LHX4: variants seen among roughly 807,000 people sequenced by gnomAD.
The protein encoded by LHX4 is LIM homeobox 4, also known as LIM/homeobox protein Lhx4.
Under a neutral mutation model 39.2 loss-of-function variants are expected in LHX4, and 16 were observed. That is an observed-to-expected ratio of 0.41 (90% confidence interval 0.28 to 0.62). The LOEUF is 0.62. Among genes scored for constraint, LHX4 ranks in the 20% least tolerant of loss-of-function variants. The pLI is 0.33. For missense variants in LHX4, 439 were observed against 511.9 expected (o/e 0.86, Z 1.37); for synonymous variants, 206 against 198.1 (o/e 1.04, Z -0.33).
upstream of LHX4, among the ~76,000 whole-genome samples, chr1:180,229,423 C>A (rs1350256886): frequency 6.6e-6 from 1 of 152,100 alleles, no homozygotes; most frequent in Non-Finnish European, 1.5e-5. Flanking sequence ...CGGGGACGCG[C>A]GCGGGGGGCC....
chr1:180,272,104 C>A, intron 5 of LHX4, 98 bp downstream of exon 5: 5 of 1,079,190 alleles, frequency 4.6e-6, no homozygotes, highest in East Asian at 2.6e-5. Context: ...GAGGCCTTGG[C>A]AACTCCCTCC....
In LHX4 at chr1:180,277,875, T is replaced by TC. The variant is rs1649129055; in HGVS notation, c.*3296_*3297insC. 1 of 66,800 alleles carries TC rather than the reference T, an allele frequency of 1.5e-5. No homozygotes were observed. 4.1% of individuals were successfully genotyped at this position (66,800 alleles called of 1,614,324 possible). A position where few individuals can be genotyped will look rare whatever the true frequency, so the allele number is the denominator to read the frequency against. On this transcript the variant is annotated 3_prime_UTR_variant, in exon 6 of 6. Coordinates refer to ENST00000263726, the MANE Select transcript of LHX4 (RefSeq NM_033343.4). ...CATTTGGCAGTGTCCTTAAACTTTT[T>TC]TTGGGGGGGGGCAGTGTAAAACATG... is the stretch of plus-strand genomic sequence containing the variant.
In LHX4 at chr1:180,266,644, C is replaced by T; in HGVS notation, c.451+50C>T. ...CCCCTCTCCAGGCCTTTGTTTGGGC[C>T]ACGCCCTCTGCCTGAGGTGCCCTTC... On this transcript the variant is annotated intron_variant, in intron 3 of 5. Coordinates refer to ENST00000263726, the MANE Select transcript of LHX4 (RefSeq NM_033343.4). This position sits in a 1 kb window ranked among gnomAD's most constrained non-coding sequence, Gnocchi z 5.7. 1.3e-6 allele frequency: 2 copies of T among 1,569,262 alleles called. No homozygotes were observed. Among genetic ancestry groups the T allele is most frequent in the Non-Finnish European group, 1.7e-6 (2 of 1,148,186 alleles).
Position 180,274,354 on chromosome 1 carries a change from C to T in LHX4, c.948C>T (p.Ser316=), listed in dbSNP as rs369378953. The stretch of plus-strand genomic sequence containing the variant: ...ATGGAATCCCCCAGTCTCCATCCTC[C>T]ATATCGTCCCTGCCATCCCACGCTC... The part of the protein sequence containing the change: ...SPYGIPQSPS[S]ISSLPSHAPL... Residue 316 remains serine, a synonymous_variant, in exon 6 of 6, where the codon TCC becomes TCT. Coordinates refer to ENST00000263726, the MANE Select transcript of LHX4 (RefSeq NM_033343.4). 5.8e-5 allele frequency: 93 copies of T among 1,614,128 alleles called. No homozygotes were observed. The highest frequency in any genetic ancestry group is 7.5e-5 in the Non-Finnish European group (89 of 1,180,054).
At chr1:180,229,337 CGCCGCGGGGAGGTTTG>C (rs1664101969), upstream of LHX4, among the ~76,000 whole-genome samples, 3 of 152,164 alleles carry the variant, frequency 2.0e-5, no homozygotes, top group South Asian at 6.2e-4. Context: ...GGGGAGGCCC[CGCCGCGGGGAGGTTTG>C]GGCCCCCTAC....
intron 1 of LHX4, among the ~76,000 whole-genome samples, chr1:180,233,501 G>A (rs1382586214): frequency 6.6e-6 from 1 of 152,226 alleles, no homozygotes; most frequent in Non-Finnish European, 1.5e-5. Context: ...GTACGGGTAC[G>A]GCGAGAGCCT....
At position 180,230,733 on chromosome 1, in the gene LHX4, C is replaced by T. The variant is rs1664157417; in HGVS notation, c.76+128C>T. ...GGCGGCCGGGGCGCAGAGGCGGTCA[C>T]AGGGCAGGGGCACCAGCCAGAGTGC... is the stretch of plus-strand genomic sequence containing the variant. On this transcript the variant is annotated intron_variant, in intron 1 of 5. Coordinates refer to ENST00000263726, the MANE Select transcript of LHX4 (RefSeq NM_033343.4). The surrounding 1 kb of genome is among the most constrained non-coding windows in gnomAD (Gnocchi z 5.8). 1.2e-6 allele frequency: 1 copy of T among 846,486 alleles called. No homozygotes were observed. 52.4% of individuals were successfully genotyped at this position (846,486 alleles called of 1,614,324 possible).
Position 180,261,317 on chromosome 1 carries a change from C to A in LHX4, c.249-5075C>A, listed in dbSNP as rs535131796. Among the ~76,000 whole-genome samples, 786 of 149,734 alleles carry A rather than the reference C, an allele frequency of 5.2e-3. 1 individual carries two copies. The highest frequency in any genetic ancestry group is 0.019 in the African/African-American group (757 of 39,628). On this transcript the variant is annotated intron_variant, in intron 2 of 5. Transcript: ENST00000263726. ...GAAGGGAGGCAGGCAGGGATCATAG[C>A]ATGCCTGTACATGGATGGAAGGAGC... is the stretch of plus-strand genomic sequence containing the variant.
intron 2 of LHX4, among the ~76,000 whole-genome samples, chr1:180,263,958 G>C (rs1331920477): frequency 6.6e-6 from 1 of 152,082 alleles, no homozygotes; most frequent in African/African-American, 2.4e-5. Flanking sequence ...TGAAAGCCTT[G>C]TTTCATTTTA....
intron 2 of LHX4, among the ~76,000 whole-genome samples, chr1:180,259,643 G>A (rs1025320143): frequency 3.1e-4 from 47 of 151,712 alleles, no homozygotes; most frequent in African/African-American, 7.3e-4. Flanking sequence ...CCATCAGTCC[G>A]GTGGGCAGGG....
chr1:180,248,376 G>A lies in LHX4; in HGVS notation c.168G>A (p.Lys56=), dbSNP rs2149256469. The change falls in exon 2 of 6, where the codon AAG becomes AAA. Residue 56 remains lysine (K), a synonymous_variant. Coordinates refer to ENST00000263726, the MANE Select transcript of LHX4 (RefSeq NM_033343.4). Reference sequence around the variant, plus strand: ...GACACTGGCACAGCTCCTGCCTCAAGTGTGCAGACTGCCAGATGCAGCTGG... The same window carrying A: ...GACACTGGCACAGCTCCTGCCTCAAATGTGCAGACTGCCAGATGCAGCTGG... ...LDRHWHSSCL[K]CADCQMQLAD... 1.2e-6 allele frequency: 2 copies of A among 1,614,264 alleles called. No individual in the cohort carries two copies. The highest frequency in any genetic ancestry group is 1.7e-6 in the Non-Finnish European group (2 of 1,180,040).
chr1:180,247,492 A>T (rs1647436537), intron 1 of LHX4, among the ~76,000 whole-genome samples: 1 of 152,194 alleles, frequency 6.6e-6, no homozygotes, highest in African/African-American at 2.4e-5. Flanking sequence ...CTCCGCCGTG[A>T]CGCACACCAG....
chr1:180,264,365 T>TACACACACACATAACACAC (rs1266211887), intron 2 of LHX4, among the ~76,000 whole-genome samples: 2 of 109,620 alleles, frequency 1.8e-5, no homozygotes, highest in Non-Finnish European at 3.8e-5. Flanking sequence ...TTCTCTGTTA[T>TACACACACACATAACACAC]ACACACACAC....
At chr1:180,230,053 G>A (rs1352251763), upstream of LHX4, among the ~76,000 whole-genome samples, 1 of 150,830 alleles carries the variant, frequency 6.6e-6, no homozygotes, top group Admixed American at 6.6e-5. This position sits in a 1 kb window ranked among gnomAD's most constrained non-coding sequence, Gnocchi z 5.8. Flanking sequence ...GGGGCGCCGG[G>A]ACCCCCACTC....
At chr1:180,271,581 AC>A in intron 4 of LHX4, 47 bp downstream of exon 4, 1 of 1,606,156 alleles carries the variant, frequency 6.2e-7, no homozygotes. Flanking sequence ...CAGGCCCGGG[AC>A]AGGGGTGGAA....
chr1:180,240,323 C>G (rs918335300), intron 1 of LHX4, among the ~76,000 whole-genome samples: 1 of 152,148 alleles, frequency 6.6e-6, no homozygotes, highest in African/African-American at 2.4e-5. Context: ...TGTGAGCCAC[C>G]GTGCCCGGCC....
chr1:180,246,945 G>A (rs1193042075), intron 1 of LHX4, among the ~76,000 whole-genome samples: 1 of 152,216 alleles, frequency 6.6e-6, no homozygotes, highest in East Asian at 1.9e-4. Context: ...GAGCAAAGGT[G>A]TCTTTTATAA....
Position 180,266,395 on chromosome 1 carries a change from C to T in LHX4, c.252C>T (p.Arg84=). The part of the protein sequence containing the change: ...SVYCKEDFFK[R]FGTKCTACQQ... ...TCCTTTCCTGCTGCCCTGACAGGCG[C>T]TTCGGCACAAAATGCACGGCCTGCC... The change falls in exon 3 of 6, where the codon CGC becomes CGT. Residue 84 remains arginine (R), a synonymous_variant. Transcript: ENST00000263726. The surrounding 1 kb of genome is among the most constrained non-coding windows in gnomAD (Gnocchi z 5.7). 1 of 1,614,126 alleles carries T rather than the reference C, an allele frequency of 6.2e-7. No homozygotes were observed. The highest frequency in any genetic ancestry group is 8.5e-7 in the Non-Finnish European group (1 of 1,179,996).
At chr1:180,269,266 A>G (rs1648485674) in intron 3 of LHX4, among the ~76,000 whole-genome samples, 3 of 152,076 alleles carry the variant, frequency 2.0e-5, no homozygotes, top group Admixed American at 2.0e-4. Flanking sequence ...TCTCTCCTAA[A>G]TTAACAGCCC....
Sources: allele counts gnomAD v4.1 joint callset (sites outside exome capture counted in the v4.1 genomes callset), GRCh38; gene constraint gnomAD v4.1.1; non-coding constraint Gnocchi (gnomAD v3.1); transcripts MANE v1.5; gene names NCBI Gene and HGNC (gene_info 2026-07-23, HGNC 2026-07-21).